Variants in PRR16 observed in about 807,000 individuals in gnomAD.
PRR16 encodes the protein protein Largen.
Under a neutral mutation model 18.2 loss-of-function variants are expected in PRR16, and 6 were observed. That is an observed-to-expected ratio of 0.33 (90% CI 0.18 to 0.65). The LOEUF is 0.65. Ranked by LOEUF, PRR16 falls within the 30% of genes least tolerant of loss-of-function variation. PRR16 has a pLI of 0.74. For synonymous variants in PRR16, 151 were observed against 147.8 expected (o/e 1.02, Z -0.16); for missense variants, 412 against 376.6 (o/e 1.09, Z -0.78).
At chr5:120,533,691 C>A (rs1367826970) in intron 1 of PRR16, among the ~76,000 whole-genome samples, 2 of 152,060 alleles carry the variant, frequency 1.3e-5, no homozygotes, top group Admixed American at 6.6e-5. Flanking sequence ...ACAGAGGGAG[C>A]AAGGAGATGT....
At chr5:120,525,350 G>A (rs149998440) in intron 1 of PRR16, among the ~76,000 whole-genome samples, 3,822 of 152,014 alleles carry the variant, frequency 0.025, 59 homozygotes, top group Middle Eastern at 0.13. Flanking sequence ...ATCCAGGCTC[G>A]AACTTAATAA....
At chr5:120,603,733 T>C (rs10061078) in intron 1 of PRR16, among the ~76,000 whole-genome samples, 143,123 of 152,092 alleles carry the variant, frequency 0.94, 67,418 homozygotes, top group African/African-American at 0.98. Context: ...TAGCTGTGTA[T>C]CAGAGACTCT....
intron 1 of PRR16, among the ~76,000 whole-genome samples, chr5:120,512,378 C>T (rs1750856862): frequency 6.6e-6 from 1 of 152,120 alleles, no homozygotes; most frequent in Admixed American, 6.5e-5. Context: ...AGTCAGCAAT[C>T]TTGGAGAGGA....
chr5:120,591,681 C>A (rs2112775220), intron 1 of PRR16, among the ~76,000 whole-genome samples: 1 of 151,950 alleles, frequency 6.6e-6, no homozygotes, highest in East Asian at 1.9e-4. Context: ...TAATTACTTT[C>A]TGTTTTCTCA....
At chr5:120,681,140 G>A (rs572624289) in intron 1 of PRR16, among the ~76,000 whole-genome samples, 7 of 152,040 alleles carry the variant, frequency 4.6e-5, no homozygotes, top group Non-Finnish European at 1.0e-4. Flanking sequence ...TCTTGTAATT[G>A]CAAATATATT....
chr5:120,674,538 C>T (rs1291232910), intron 1 of PRR16, among the ~76,000 whole-genome samples: 1 of 152,136 alleles, frequency 6.6e-6, no homozygotes, highest in African/African-American at 2.4e-5. Flanking sequence ...TCTATTCCTC[C>T]TGAAGAAACT....
intron 1 of PRR16, among the ~76,000 whole-genome samples, chr5:120,621,429 G>A (rs1754686180): frequency 6.6e-6 from 1 of 151,992 alleles, no homozygotes; most frequent in East Asian, 1.9e-4. Flanking sequence ...CTCAGCCAGA[G>A]CTAATCTCGT....
intron 1 of PRR16, among the ~76,000 whole-genome samples, chr5:120,566,617 T>TA (rs112492235): frequency 0.21 from 32,465 of 152,014 alleles, 3,658 homozygotes; most frequent in African/African-American, 0.21. Flanking sequence ...TATCCATGTA[T>TA]AAAAAAATAA....
intron 1 of PRR16, among the ~76,000 whole-genome samples, chr5:120,629,746 GTT>G (rs1732900418): frequency 1.2e-5 from 1 of 85,380 alleles, no homozygotes; most frequent in African/African-American, 3.1e-5. Flanking sequence ...GACTCTGTTT[GTT>G]TTTTTGAATT....
intron 1 of PRR16, among the ~76,000 whole-genome samples, chr5:120,637,251 A>T (rs930028476): frequency 2.0e-5 from 3 of 146,432 alleles, no homozygotes; most frequent in African/African-American, 7.5e-5. Flanking sequence ...CAAAAAGTAG[A>T]TCTATCATTT....
chr5:120,623,336 C>T (rs1754752183), intron 1 of PRR16, among the ~76,000 whole-genome samples: 5 of 152,066 alleles, frequency 3.3e-5, no homozygotes, highest in Admixed American at 2.6e-4. Context: ...TAATTCATTC[C>T]TACTAATCAG....
At chr5:120,551,453 G>A (rs1019915077) in intron 1 of PRR16, among the ~76,000 whole-genome samples, 6 of 151,896 alleles carry the variant, frequency 4.0e-5, no homozygotes, top group South Asian at 2.1e-4. Context: ...CCGCTTCATC[G>A]TCTATTAAAT....
the PRR16 span, among the ~76,000 whole-genome samples, chr5:120,715,648 A>G: frequency 1.3e-5 from 2 of 152,224 alleles, no homozygotes; most frequent in Non-Finnish European, 2.9e-5. Flanking sequence ...CCTGATTATC[A>G]TGTTAAAACA....
At chr5:120,640,574 A>T (rs776689449) in intron 1 of PRR16, among the ~76,000 whole-genome samples, 2 of 152,132 alleles carry the variant, frequency 1.3e-5, no homozygotes, top group Non-Finnish European at 2.9e-5. Flanking sequence ...TTATACACAG[A>T]TGGGGAATTG....
At chr5:120,765,843 A>ACATGGAGAG in the PRR16 span, among the ~76,000 whole-genome samples, 1 of 151,982 alleles carries the variant, frequency 6.6e-6, no homozygotes, top group African/African-American at 2.4e-5. Flanking sequence ...TCTGTTTTAT[A>ACATGGAGAG]CATGGAGAGG....
chr5:120,466,917 A>AT (rs1749123424), intron 1 of PRR16, among the ~76,000 whole-genome samples: 1 of 152,206 alleles, frequency 6.6e-6, no homozygotes, highest in African/African-American at 2.4e-5. Context: ...GGGTATCATC[A>AT]TCCTAGATTT....
At chr5:120,685,837 T>G (rs937778227) in intron 1 of PRR16, 117 bp from the exon 2 acceptor site, 2 of 1,022,762 alleles carry the variant, frequency 2.0e-6, no homozygotes, top group Admixed American at 5.3e-5. Flanking sequence ...AATGGAATGT[T>G]CAGTTCAATA....
chr5:120,747,598 A>G, the PRR16 span, among the ~76,000 whole-genome samples: 1 of 152,188 alleles, frequency 6.6e-6, no homozygotes, highest in Non-Finnish European at 1.5e-5. Flanking sequence ...TACCCTTGGC[A>G]TTCTGTACCC....
the PRR16 span, among the ~76,000 whole-genome samples, chr5:120,737,720 C>A: frequency 1.3e-5 from 2 of 151,468 alleles, no homozygotes; most frequent in East Asian, 3.9e-4. Context: ...TTCAGTAAAG[C>A]CATCCAGTAC....
Sources: allele counts gnomAD v4.1 joint callset (sites outside exome capture counted in the v4.1 genomes callset), GRCh38; gene constraint gnomAD v4.1.1; transcripts MANE v1.5; gene names NCBI Gene and HGNC (gene_info 2026-07-23, HGNC 2026-07-21).